Variants in RAD51C observed in about 807,000 individuals in gnomAD.
RAD51C encodes the protein DNA repair protein RAD51 homolog 3.
A neutral mutation model predicts 45.0 loss-of-function variants in RAD51C; 42 were observed. The observed-to-expected ratio is 0.93, with a 90% confidence interval of 0.73 to 1.21. RAD51C has a LOEUF of 1.21. RAD51C is among the 50% of genes most tolerant of loss of function. RAD51C has a pLI of 0.00. For missense variants in RAD51C, 474 were observed against 452.2 expected (o/e 1.05, Z -0.44); for synonymous variants, 172 against 159.8 (o/e 1.08, Z -0.58).
intron 4 of RAD51C, among the ~76,000 whole-genome samples, chr17:58,703,662 A>G (rs1482034483): frequency 6.6e-6 from 1 of 152,100 alleles, no homozygotes; most frequent in African/African-American, 2.4e-5. Flanking sequence ...CCTCTCCCCA[A>G]AGGTGATCAC....
At chr17:58,728,913 G>A (rs1199405285) in intron 7 of RAD51C, among the ~76,000 whole-genome samples, 2 of 152,138 alleles carry the variant, frequency 1.3e-5, no homozygotes, top group African/African-American at 2.4e-5. Context: ...GGTTATATGA[G>A]GCCAAGATTA....
chr17:58,734,014 C>A, intron 8 of RAD51C, 104 bp from the exon 9 acceptor site: 1 of 1,510,568 alleles, frequency 6.6e-7, no homozygotes. Context: ...CTGCGCCTGG[C>A]CCTAGAATAA....
chr17:58,697,371 A>G (rs2048054184), intron 3 of RAD51C, among the ~76,000 whole-genome samples: 1 of 152,050 alleles, frequency 6.6e-6, no homozygotes, highest in Non-Finnish European at 1.5e-5. Context: ...CCCTATCTGT[A>G]CTAAAAATAC....
chr17:58,713,022 C>T (rs1043321828), intron 5 of RAD51C, among the ~76,000 whole-genome samples: 14 of 151,500 alleles, frequency 9.2e-5, no homozygotes, highest in Middle Eastern at 3.2e-3. Flanking sequence ...GCTACTTAAG[C>T]GGCTGAGGTG....
At chr17:58,718,564 G>T (rs2048816304) in intron 5 of RAD51C, among the ~76,000 whole-genome samples, 1 of 152,086 alleles carries the variant, frequency 6.6e-6, no homozygotes, top group Non-Finnish European at 1.5e-5. Flanking sequence ...TCAAAACCTG[G>T]AACCTTTTTT....
chr17:58,715,656 A>G (rs2048709215), intron 5 of RAD51C, among the ~76,000 whole-genome samples: 1 of 152,006 alleles, frequency 6.6e-6, no homozygotes, highest in South Asian at 2.1e-4. Context: ...GTTTATCTGT[A>G]TTTTAGCACC....
Position 58,720,757 on chromosome 17 carries a change from C to T in RAD51C, c.849C>T (p.Thr283=), listed in dbSNP as rs2048889783. 1.2e-6 allele frequency: 2 copies of T among 1,611,542 alleles called. No homozygotes were observed. The highest frequency in any genetic ancestry group is 1.1e-5 in the South Asian group (1 of 91,038). Residue 283 remains threonine, a synonymous_variant, in exon 6 of 9, where the codon ACC becomes ACT. Transcript: ENST00000337432. Reference sequence around the variant, plus strand: ...TTTTGTTTTTGTAGGTAATTTTAACCAATCAGATGACAACAAAGATTGATA... The same window carrying T: ...TTTTGTTTTTGTAGGTAATTTTAACTAATCAGATGACAACAAAGATTGATA... The part of the protein sequence containing the change: ...ANNHRLAVIL[T]NQMTTKIDRN...
At chr17:58,709,623 G>A (rs1009906813) in intron 4 of RAD51C, 40 of 392,482 alleles carry the variant, frequency 1.0e-4, no homozygotes, top group Non-Finnish European at 3.2e-5. Context: ...ATGAAGCAAT[G>A]TCTAAGTAAG....
At position 58,734,447 on chromosome 17, in the gene RAD51C, T is replaced by A; in HGVS notation, c.*225T>A. 1 of 684,834 alleles carries A rather than the reference T, an allele frequency of 1.5e-6. No homozygotes were observed. The highest frequency in any genetic ancestry group is 2.3e-6 in the Non-Finnish European group (1 of 425,938). The allele number at this position is 684,834 out of a possible 1,614,324, so 42.4% of individuals were successfully genotyped here. A position where few individuals can be genotyped will look rare whatever the true frequency, so the allele number is the denominator to read the frequency against. The stretch of plus-strand genomic sequence containing the variant: ...TGTTTTCATTTTCAGTAACATTCAG[T>A]AGAGATGATTATTATATTTCACAAA... On this transcript the variant is annotated 3_prime_UTR_variant, in exon 9 of 9. Coordinates refer to ENST00000337432, the MANE Select transcript of RAD51C (RefSeq NM_058216.3).
At chr17:58,720,240 C>T (rs1361021312) in intron 5 of RAD51C, among the ~76,000 whole-genome samples, 1 of 150,078 alleles carries the variant, frequency 6.7e-6, no homozygotes, top group Admixed American at 6.6e-5. Context: ...GGTGAAACCC[C>T]GTCTCTACTG....
chr17:58,695,712 G>T (rs1291151956), intron 2 of RAD51C, among the ~76,000 whole-genome samples: 3 of 151,832 alleles, frequency 2.0e-5, no homozygotes, highest in Non-Finnish European at 2.9e-5. Context: ...TTGAGCCGGG[G>T]AGGTCAAAAC....
At chr17:58,709,693 C>T (rs1238348608) in intron 4 of RAD51C, 166 bp from the exon 5 acceptor site, 2 of 606,062 alleles carry the variant, frequency 3.3e-6, no homozygotes, top group African/African-American at 3.7e-5. Context: ...ACCTCCTTTC[C>T]TATATGCTAT....
intron 1 of RAD51C, chr17:58,693,297 G>A (rs898275296): frequency 2.4e-5 from 4 of 167,134 alleles, no homozygotes; most frequent in African/African-American, 7.2e-5. Flanking sequence ...AGGAAGCATA[G>A]AAAGAATATT....
chr17:58,696,929 C>G (rs2143751425), intron 3 of RAD51C, 70 bp downstream of exon 3: 1 of 1,521,000 alleles, frequency 6.6e-7, no homozygotes, highest in East Asian at 2.3e-5. Context: ...CCATCTGAGA[C>G]CTCAGCAACA....
At chr17:58,708,226 A>G (rs781057646) in intron 4 of RAD51C, among the ~76,000 whole-genome samples, 9 of 151,070 alleles carry the variant, frequency 6.0e-5, no homozygotes, top group Non-Finnish European at 1.3e-4. Context: ...TTTTTTTTGC[A>G]TTTTTGTGCT....
At chr17:58,708,881 G>GT (rs991832257) in intron 4 of RAD51C, among the ~76,000 whole-genome samples, 38 of 150,296 alleles carry the variant, frequency 2.5e-4, no homozygotes, top group Non-Finnish European at 4.6e-4. Flanking sequence ...AGGTTTTTTT[G>GT]TTTTTTGTTT....
intron 7 of RAD51C, among the ~76,000 whole-genome samples, chr17:58,731,364 A>G (rs1484173863): frequency 1.3e-5 from 2 of 150,832 alleles, no homozygotes; most frequent in Non-Finnish European, 2.9e-5. Flanking sequence ...GGTTCAAGCG[A>G]TTCTCCTGCC....
At chr17:58,705,870 C>G in intron 4 of RAD51C, 1 of 140,086 alleles carries the variant, frequency 7.1e-6, no homozygotes, top group Non-Finnish European at 1.5e-5. Context: ...TCCATTCCAT[C>G]CACACAGCCC....
At chr17:58,699,560 A>G (rs1316051554) in intron 3 of RAD51C, among the ~76,000 whole-genome samples, 1 of 152,092 alleles carries the variant, frequency 6.6e-6, no homozygotes, top group Non-Finnish European at 1.5e-5. Flanking sequence ...CCACTTTGGC[A>G]TAAGGATTAT....
Sources: gnomAD v4.1 joint callset for allele counts (sites outside exome capture counted in the v4.1 genomes callset) on GRCh38, gnomAD v4.1.1 for gene constraint, MANE v1.5 for transcripts, NCBI Gene and HGNC (gene_info 2026-07-23, HGNC 2026-07-21) for gene names.